Variants in AAMDC observed in about 807,000 individuals in gnomAD.
The protein encoded by AAMDC is mth938 domain-containing protein.
In AAMDC, 16 loss-of-function variants were observed where a neutral mutation model predicts 15.5. That is an observed-to-expected ratio of 1.03 (90% CI 0.70 to 1.57). The LOEUF (loss-of-function observed/expected upper bound fraction) is 1.57. Ranked by LOEUF, AAMDC falls within the 40% of genes most tolerant of loss-of-function variation. The probability of loss-of-function intolerance (pLI) is 0.00; values close to 1 mark genes in which losing one functional copy is unlikely to be tolerated. For synonymous variants in AAMDC, 51 were observed against 51.6 expected, an observed-to-expected ratio of 0.99 and a Z score of 0.05; for missense variants, 141 against 144.9, an observed-to-expected ratio of 0.97 and a Z score of 0.14.
chr11:77,870,267 G>T (rs1177863452), intron 3 of AAMDC, among the ~76,000 whole-genome samples: 2 of 146,866 alleles, frequency 1.4e-5, no homozygotes, highest in African/African-American at 5.1e-5. Flanking sequence ...ATGATCTCCC[G>T]CCTCGGCCTC....
At chr11:77,879,890 G>C (rs1304736286) in intron 5 of AAMDC, among the ~76,000 whole-genome samples, 2 of 152,070 alleles carry the variant, frequency 1.3e-5, no homozygotes, top group Non-Finnish European at 2.9e-5. Context: ...AACCCCAAGA[G>C]TTCTTATCCT....
At chr11:77,874,518 A>C (rs1012150820), downstream of AAMDC, among the ~76,000 whole-genome samples, 18 of 152,188 alleles carry the variant, frequency 1.2e-4, no homozygotes, top group East Asian at 7.7e-4. Context: ...AGTATCTGTC[A>C]GTGACATTAT....
At chr11:77,855,740 T>A (rs1343576375) in intron 2 of AAMDC, among the ~76,000 whole-genome samples, 19 of 124,960 alleles carry the variant, frequency 1.5e-4, no homozygotes, top group Non-Finnish European at 3.0e-4. Context: ...TTTTTTTTGC[T>A]CAAGAATATG....
intron 2 of AAMDC, among the ~76,000 whole-genome samples, chr11:77,864,518 G>A (rs1951024221): frequency 6.6e-6 from 1 of 152,114 alleles, no homozygotes; most frequent in African/African-American, 2.4e-5. Flanking sequence ...TTGCATTTAG[G>A]GTGTATATTA....
chr11:77,891,691 A>G (rs1187548882), intron 5 of AAMDC: 11 of 1,611,996 alleles, frequency 6.8e-6, no homozygotes, highest in South Asian at 2.2e-5. Context: ...CTGCTCTGGA[A>G]GCGGGAGATG....
At position 77,846,297 on chromosome 11, in the gene AAMDC, C is replaced by A. The variant is rs557322234; in HGVS notation, c.132+3669C>A. 4.6e-5 allele frequency among the ~76,000 whole-genome samples: 7 copies of A among 152,248 alleles called. 1 individual carries two copies. Among genetic ancestry groups the A allele is most frequent in the Admixed American group, 3.3e-4 (5 of 15,286 alleles). ...TATTATTCATTTTTGTAATTTAGAT[C>A]TTTTGAGGTCAATTTCTTCTTTTAG... is the stretch of plus-strand genomic sequence containing the variant. On this transcript the variant is annotated intron_variant, in intron 2 of 3. Transcript: ENST00000393427.
chr11:77,875,461 G>A (rs1026912687), downstream of AAMDC, among the ~76,000 whole-genome samples: 2 of 152,132 alleles, frequency 1.3e-5, no homozygotes, highest in Non-Finnish European at 2.9e-5. Context: ...TGGCTGTTTT[G>A]GAAGAATGGG....
At chr11:77,864,931 T>C (rs1793341) in intron 2 of AAMDC, among the ~76,000 whole-genome samples, 113,434 of 152,072 alleles carry the variant, frequency 0.75, 43,007 homozygotes, top group African/African-American at 0.88. Context: ...GAGCCCTGAT[T>C]GCACCACTGC....
chr11:77,844,879 T>C (rs972429113), intron 2 of AAMDC, among the ~76,000 whole-genome samples: 1 of 152,202 alleles, frequency 6.6e-6, no homozygotes. Context: ...GTTTGTTGGA[T>C]ATAGATTTCT....
chr11:77,881,071 T>C (rs936592367), intron 5 of AAMDC, among the ~76,000 whole-genome samples: 3 of 152,052 alleles, frequency 2.0e-5, no homozygotes, highest in Admixed American at 6.6e-5. Context: ...GGCAATGCCA[T>C]AGGAGTAAAG....
At chr11:77,871,176 T>C (rs1384327829) in intron 3 of AAMDC, among the ~76,000 whole-genome samples, 5 of 152,214 alleles carry the variant, frequency 3.3e-5, no homozygotes, top group Non-Finnish European at 5.9e-5. Flanking sequence ...AGGGTACTTT[T>C]ATAAATCTCA....
At chr11:77,862,145 C>G (rs1950907977) in intron 2 of AAMDC, among the ~76,000 whole-genome samples, 2 of 152,292 alleles carry the variant, frequency 1.3e-5, no homozygotes, top group East Asian at 3.9e-4. Flanking sequence ...TCTGTATGTT[C>G]TGATTCTGTG....
intron 1 of AAMDC, among the ~76,000 whole-genome samples, chr11:77,837,387 C>T (rs1949730849): frequency 6.7e-6 from 1 of 149,830 alleles, no homozygotes; most frequent in Non-Finnish European, 1.5e-5. Context: ...CCGCCTGCCT[C>T]GGCCTCCCAA....
At position 77,821,204 on chromosome 11, in the gene AAMDC, C is replaced by G; in HGVS notation, c.-56C>G. ...GCGTAAGTGCGGGCAGAGCACTGCG[C>G]CGTTTGGGAACGCAACTTTGAGGAG... On this transcript the variant is annotated 5_prime_UTR_variant, in exon 1 of 4. Transcript: ENST00000393427. The G allele has an allele frequency of 3.2e-6, 1 of 315,166 alleles. No homozygotes were observed. The highest frequency in any genetic ancestry group is 1.2e-4 in the South Asian group (1 of 8,080). The allele number at this position is 315,166 out of a possible 1,614,324, so 19.5% of individuals were successfully genotyped here.
chr11:77,897,719 A>G (rs754817437), intron 5 of AAMDC, among the ~76,000 whole-genome samples: 2 of 151,086 alleles, frequency 1.3e-5, no homozygotes, highest in Non-Finnish European at 2.9e-5. Flanking sequence ...GTTAGCCAGG[A>G]TGGTCTCAAT....
intron 5 of AAMDC, among the ~76,000 whole-genome samples, chr11:77,878,234 C>T (rs1409795588): frequency 3.3e-5 from 5 of 152,096 alleles, no homozygotes; most frequent in South Asian, 2.1e-4. Context: ...TGGTGACAGG[C>T]GCCTGTAGTC....
At chr11:77,842,421 T>G in intron 1 of AAMDC, 58 bp from the exon 2 acceptor site, 2 of 1,511,836 alleles carry the variant, frequency 1.3e-6, no homozygotes, top group Non-Finnish European at 1.8e-6. Context: ...CACTGTATTT[T>G]CAAACTGTTT....
chr11:77,900,275 A>AT (rs1258537414), intron 5 of AAMDC, among the ~76,000 whole-genome samples: 6 of 151,858 alleles, frequency 4.0e-5, no homozygotes, highest in Non-Finnish European at 2.9e-5. Flanking sequence ...AATTTTATGT[A>AT]TTTTTAGTAG....
chr11:77,868,878 C>A (rs2136299137), intron 2 of AAMDC: 2 of 192,076 alleles, frequency 1.0e-5, no homozygotes. Flanking sequence ...TCACACATTT[C>A]AGGAAGCTCT....
Sources: allele counts gnomAD v4.1 joint callset (sites outside exome capture counted in the v4.1 genomes callset), GRCh38; gene constraint gnomAD v4.1.1; transcripts MANE v1.5; gene names NCBI Gene and HGNC (gene_info 2026-07-23, HGNC 2026-07-21).